Variants in ZNF705G observed in about 807,000 individuals in gnomAD.
The protein encoded by ZNF705G is putative zinc finger protein 705G.
In ZNF705G, 23 loss-of-function variants were observed where a neutral mutation model predicts 19.6. That is an observed-to-expected ratio of 1.17 (90% confidence interval 0.84 to 1.66). ZNF705G has a LOEUF of 1.66. Ranked by LOEUF, ZNF705G falls within the 40% of genes most tolerant of loss-of-function variation. The pLI, the probability that ZNF705G is intolerant of heterozygous loss-of-function variation, is 0.00. For synonymous variants in ZNF705G, 146 were observed against 117.7 expected, an observed-to-expected ratio of 1.24 and a Z score of -1.56; for missense variants, 457 against 354.4, an observed-to-expected ratio of 1.29 and a Z score of -2.32.
At chr8:7,379,593 G>T (rs1807399242) in intron 2 of ZNF705G, among the ~76,000 whole-genome samples, 1 of 147,132 alleles carries the variant, frequency 6.8e-6, no homozygotes. Context: ...AGGTATGGAA[G>T]GAAGGAAAAT....
chr8:7,362,063 T>C (rs1196419934), intron 3 of ZNF705G, among the ~76,000 whole-genome samples: 4 of 149,592 alleles, frequency 2.7e-5, no homozygotes, highest in Non-Finnish European at 2.9e-5. Context: ...ACATCAGTTA[T>C]CATCGTTTCT....
At chr8:7,376,148 A>C (rs1218964713) in intron 2 of ZNF705G, among the ~76,000 whole-genome samples, 1 of 84,194 alleles carries the variant, frequency 1.2e-5, no homozygotes, top group Non-Finnish European at 2.3e-5. Flanking sequence ...CAACATTTAC[A>C]ATTACCATTG....
rs1806482430 is a variant in ZNF705G at position 7,359,695 on chromosome 8, T to C, written c.242A>G (p.Glu81Gly). 6.2e-7 allele frequency: 1 copy of C among 1,606,728 alleles called. No homozygotes were observed. Among genetic ancestry groups the C allele is most frequent in the Non-Finnish European group, 8.5e-7 (1 of 1,179,250 alleles). ...VFLQDQNPNR[E>G]SALKKTHMIS... is the part of the protein sequence containing the mutation. ...CATGTGTGTTTTCTTAAGGGCACTT[T>C]CCCTGTCTGAAATAATTGAAAAATA... The change falls in exon 6 of 7, where the codon GAA becomes GGA. Residue 81 changes from glutamate to glycine, a missense_variant. Physicochemically the swap from Glu to Gly is moderately conservative, Grantham distance 98. Coordinates refer to ENST00000400156, the MANE Select transcript of ZNF705G (RefSeq NM_001164457.3).
Position 7,355,799 on chromosome 8 carries a change from A to C in ZNF705G, c.*2177T>G, listed in dbSNP as rs1313839987. ...ACATATTTAATTAAATAGATTAAAC[A>C]ATAAATAATGATATGAGCTCTGCCT... On this transcript the variant is annotated 3_prime_UTR_variant, in exon 7 of 7. Coordinates refer to ENST00000400156, the MANE Select transcript of ZNF705G (RefSeq NM_001164457.3). The C allele has an allele frequency of 6.7e-6, 1 of 149,552 alleles. No homozygotes were observed. The highest frequency in any genetic ancestry group is 1.5e-5 in the Non-Finnish European group (1 of 68,016). The allele number at this position is 149,552 out of a possible 1,614,324, so 9.3% of individuals were successfully genotyped here.
At chr8:7,369,832 G>A (rs1315810743) in intron 2 of ZNF705G, among the ~76,000 whole-genome samples, 1 of 149,172 alleles carries the variant, frequency 6.7e-6, no homozygotes, top group Admixed American at 6.6e-5. Context: ...TGAGAACAAA[G>A]CATTGGTTAC....
At chr8:7,383,030 G>GT (rs1327926998) in intron 1 of ZNF705G, among the ~76,000 whole-genome samples, 1 of 147,680 alleles carries the variant, frequency 6.8e-6, no homozygotes, top group East Asian at 1.9e-4. Flanking sequence ...AGAGCACTTG[G>GT]TTTTTTGGAA....
Position 7,360,576 on chromosome 8 carries a change from C to T in ZNF705G, c.140-244G>A, listed in dbSNP as rs191078966. Among the ~76,000 whole-genome samples the T allele has an allele frequency of 1.1e-3, 163 of 149,488 alleles. 3 individuals carry two copies. Among genetic ancestry groups the T allele is most frequent in the Non-Finnish European group, 2.0e-3 (139 of 67,982 alleles). ...CAGTCAGGACCTATGAATGCTGAGT[C>T]CATGCCTAAGTTCCAAGACGCAATG... On this transcript the variant is annotated intron_variant, in intron 4 of 6. Transcript: ENST00000400156.
rs887781254 is a variant in ZNF705G at position 7,379,598 on chromosome 8, G to A, written c.-72+1854C>T. On this transcript the variant is annotated intron_variant, in intron 2 of 6. Transcript: ENST00000400156. Reference sequence around the variant, plus strand: ...GGAATCTCTGAGGTATGGAAGGAAGGAAAATGAAGCAGCTGCCCAGCCAGA... The same window carrying A: ...GGAATCTCTGAGGTATGGAAGGAAGAAAAATGAAGCAGCTGCCCAGCCAGA... Among the ~76,000 whole-genome samples, 8 of 147,146 alleles carry A rather than the reference G, an allele frequency of 5.4e-5. 1 individual carries two copies. Among genetic ancestry groups the A allele is most frequent in the African/African-American group, 1.1e-4 (4 of 36,672 alleles).
At chr8:7,368,280 A>G (rs1440409525) in intron 2 of ZNF705G, among the ~76,000 whole-genome samples, 2 of 149,470 alleles carry the variant, frequency 1.3e-5, no homozygotes, top group Non-Finnish European at 1.5e-5. Flanking sequence ...GGCTATTTTG[A>G]AGGAAAAATA....
At chr8:7,368,428 G>T (rs1223787688) in intron 2 of ZNF705G, among the ~76,000 whole-genome samples, 1 of 149,410 alleles carries the variant, frequency 6.7e-6, no homozygotes, top group African/African-American at 2.6e-5. Context: ...AAAATTCTTT[G>T]GAGGTAAACT....
intron 2 of ZNF705G, among the ~76,000 whole-genome samples, chr8:7,368,046 T>C (rs1429525020): frequency 1.3e-5 from 2 of 149,652 alleles, no homozygotes; most frequent in Admixed American, 6.6e-5. Context: ...AGTCTTCAGA[T>C]GCTCCTTCTC....
At chr8:7,375,948 G>T (rs1428993991) in intron 2 of ZNF705G, among the ~76,000 whole-genome samples, 1 of 78,860 alleles carries the variant, frequency 1.3e-5, no homozygotes, top group Non-Finnish European at 2.4e-5. Flanking sequence ...CACAAGACAG[G>T]TCAGTGGTTC....
rs1486170870 is a variant in ZNF705G at position 7,362,173 on chromosome 8, C to A, written c.12+762G>T. ...CCTTATAAAGCATTTCCACAGAACC[C>A]TAAATTGTACTCTATCTACTATATT... On this transcript the variant is annotated intron_variant, in intron 3 of 6. Transcript: ENST00000400156. Among the ~76,000 whole-genome samples, 2 of 149,500 alleles carry A rather than the reference C, an allele frequency of 1.3e-5. 1 individual carries two copies. The highest frequency in any genetic ancestry group is 5.1e-5 in the African/African-American group (2 of 38,952).
rs1482854449 is a variant in ZNF705G, at chr8:7,369,810, C to T, written c.-71-6793G>A. Among the ~76,000 whole-genome samples, 2 of 149,092 alleles carry T rather than the reference C, an allele frequency of 1.3e-5. 1 individual carries two copies. Among genetic ancestry groups the T allele is most frequent in the African/African-American group, 5.2e-5 (2 of 38,620 alleles). On this transcript the variant is annotated intron_variant, in intron 2 of 6. Coordinates refer to ENST00000400156, the MANE Select transcript of ZNF705G (RefSeq NM_001164457.3). Reference sequence around the variant, plus strand: ...AAGAGAAAACCAAATACCATATGTTCTTAGTTATAAGTGAGAACAAAGCAT... The same window carrying T: ...AAGAGAAAACCAAATACCATATGTTTTTAGTTATAAGTGAGAACAAAGCAT...
At chr8:7,384,323 T>C (rs1182310323) in intron 1 of ZNF705G, among the ~76,000 whole-genome samples, 2 of 145,624 alleles carry the variant, frequency 1.4e-5, no homozygotes, top group Non-Finnish European at 2.9e-5. Flanking sequence ...GAGGAGTCAA[T>C]TGCTACCCAA....
intron 2 of ZNF705G, among the ~76,000 whole-genome samples, chr8:7,367,724 C>G (rs1806921826): frequency 6.7e-6 from 1 of 149,574 alleles, no homozygotes; most frequent in Non-Finnish European, 1.5e-5. Flanking sequence ...GTTCTAAAGC[C>G]TTTTTAAATA....
chr8:7,368,596 C>T (rs1585419155), intron 2 of ZNF705G, among the ~76,000 whole-genome samples: 1 of 149,802 alleles, frequency 6.7e-6, no homozygotes, highest in Admixed American at 6.6e-5. Flanking sequence ...TTCAAGCAGG[C>T]TGCAGAAATT....
chr8:7,384,619 T>C (rs1807650555), intron 1 of ZNF705G, among the ~76,000 whole-genome samples: 2 of 145,390 alleles, frequency 1.4e-5, no homozygotes, highest in Admixed American at 6.6e-5. Flanking sequence ...ATTTAAAACT[T>C]AATAAGGACA....
rs1464774015 is a variant in ZNF705G, at chr8:7,381,040, A to C, written c.-72+412T>G. Among the ~76,000 whole-genome samples, 356 of 135,586 alleles carry C rather than the reference A, an allele frequency of 2.6e-3. 1 individual carries two copies. The highest frequency in any genetic ancestry group is 0.023 in the Admixed American group (298 of 13,026). 88.9% of individuals were successfully genotyped at this position (135,586 alleles called of 152,430 possible). ...CAAACCACCACCAAAAAAAAAAAAAAAAAAAAAAAAAAACACAACACATCT... is the reference window on the plus strand; with the variant it reads ...CAAACCACCACCAAAAAAAAAAAAACAAAAAAAAAAAAACACAACACATCT... On this transcript the variant is annotated intron_variant, in intron 2 of 6. Coordinates refer to ENST00000400156, the MANE Select transcript of ZNF705G (RefSeq NM_001164457.3).
Sources: allele counts gnomAD v4.1 joint callset (sites outside exome capture counted in the v4.1 genomes callset), GRCh38; gene constraint gnomAD v4.1.1; transcripts MANE v1.5; gene names NCBI Gene and HGNC (gene_info 2026-07-23, HGNC 2026-07-21).